The following PARD3B variants were observed in gnomAD, a reference collection of about 807,000 sequenced individuals.
PARD3B encodes the protein par-3 family cell polarity regulator beta.
Under a neutral mutation model 130.2 loss-of-function variants are expected in PARD3B, and 103 were observed. The ratio of observed to expected loss-of-function variants is 0.79; its 90% CI spans 0.67 to 0.93. PARD3B has a LOEUF of 0.93. PARD3B is among the 40% of genes least tolerant of loss of function. PARD3B has a pLI of 0.00. For synonymous variants in PARD3B, 583 were observed against 553.2 expected, an observed-to-expected ratio of 1.05 and a Z score of -0.76; for missense variants, 1,609 against 1,499.2, an observed-to-expected ratio of 1.07 and a Z score of -1.21.
intron 3 of PARD3B, among the ~76,000 whole-genome samples, chr2:205,036,889 A>G (rs1697968606): frequency 6.6e-6 from 1 of 151,570 alleles, no homozygotes. Context: ...AGCGGACTGT[A>G]TATATAAAGA....
chr2:205,227,936 G>T (rs1559562875), intron 15 of PARD3B, among the ~76,000 whole-genome samples: 1 of 151,982 alleles, frequency 6.6e-6, no homozygotes, highest in Non-Finnish European at 1.5e-5. Flanking sequence ...AACACTGACT[G>T]CATAAAGAAA....
intron 21 of PARD3B, among the ~76,000 whole-genome samples, chr2:205,518,975 C>T (rs1362867931): frequency 2.6e-5 from 4 of 152,118 alleles, no homozygotes; most frequent in African/African-American, 4.8e-5. Context: ...GATGGTGTTC[C>T]CTTTGTGGGT....
intron 2 of PARD3B, among the ~76,000 whole-genome samples, chr2:204,782,157 C>G (rs2041855749): frequency 6.6e-6 from 1 of 152,128 alleles, no homozygotes; most frequent in Non-Finnish European, 1.5e-5. Flanking sequence ...GAATGCTGAT[C>G]AGCCTAATTA....
At chr2:204,646,648 A>G (rs2035284917) in intron 1 of PARD3B, among the ~76,000 whole-genome samples, 1 of 152,134 alleles carries the variant, frequency 6.6e-6, no homozygotes, top group South Asian at 2.1e-4. Flanking sequence ...TGAGTGGATC[A>G]TAGGGTTATA....
At chr2:205,471,353 CT>C (rs769669913) in intron 20 of PARD3B, among the ~76,000 whole-genome samples, 396 of 85,402 alleles carry the variant, frequency 4.6e-3, no homozygotes, top group East Asian at 0.012. Flanking sequence ...ACTCACTTTT[CT>C]TTTTTTTTTT....
At chr2:205,092,995 A>G (rs958014353) in intron 4 of PARD3B, among the ~76,000 whole-genome samples, 1 of 152,280 alleles carries the variant, frequency 6.6e-6, no homozygotes, top group East Asian at 1.9e-4. Context: ...TTTTACTTCA[A>G]TTATTTCAAT....
chr2:204,617,268 A>T (rs2034144658), intron 1 of PARD3B, among the ~76,000 whole-genome samples: 1 of 152,288 alleles, frequency 6.6e-6, no homozygotes, highest in Non-Finnish European at 1.5e-5. Flanking sequence ...CTTTAATCTC[A>T]TCTTGATTCT....
At chr2:205,143,193 T>C (rs1379812126) in intron 10 of PARD3B, among the ~76,000 whole-genome samples, 1 of 152,218 alleles carries the variant, frequency 6.6e-6, no homozygotes, top group Non-Finnish European at 1.5e-5. Flanking sequence ...TTTTTTTCCT[T>C]ATGTATGATT....
intron 16 of PARD3B, among the ~76,000 whole-genome samples, chr2:205,249,033 A>C (rs2039714492): frequency 7.9e-6 from 1 of 126,068 alleles, no homozygotes; most frequent in Admixed American, 8.1e-5. Context: ...TTTTTGAGAC[A>C]GATTCTCCCT....
chr2:205,171,480 A>G (rs1219102205), intron 11 of PARD3B, among the ~76,000 whole-genome samples: 1 of 152,170 alleles, frequency 6.6e-6, no homozygotes, highest in Non-Finnish European at 1.5e-5. Flanking sequence ...CTGTGTATTC[A>G]TATGCCGAGG....
rs555929761 is a variant in PARD3B at position 204,943,373 on chromosome 2, A to G, written c.223-21779A>G. ...AGAGGTAGACTGGCTGCTGGAAAAG[A>G]GAAGCCAAGATCCCAGCAATGAGCC... On this transcript the variant is annotated intron_variant, in intron 2 of 22. Transcript: ENST00000406610. This position sits in a 1 kb window ranked among gnomAD's most constrained non-coding sequence, Gnocchi z 4.2. Among the ~76,000 whole-genome samples, 3 of 152,218 alleles carry G rather than the reference A, an allele frequency of 2.0e-5. No individual in the cohort carries two copies. Among genetic ancestry groups the G allele is most frequent in the African/African-American group, 7.2e-5 (3 of 41,544 alleles).
intron 15 of PARD3B, among the ~76,000 whole-genome samples, chr2:205,215,290 T>C (rs941381632): frequency 6.6e-6 from 1 of 151,892 alleles, no homozygotes; most frequent in Non-Finnish European, 1.5e-5. Context: ...TTTTTTTTTT[T>C]AATTCAGCAA....
At chr2:204,550,959 C>T (rs2030412928) in intron 1 of PARD3B, among the ~76,000 whole-genome samples, 1 of 152,182 alleles carries the variant, frequency 6.6e-6, no homozygotes, top group Non-Finnish European at 1.5e-5. Context: ...GACTGGATTC[C>T]TCAAATGCTT....
At chr2:204,647,934 T>C (rs1056552077) in intron 1 of PARD3B, among the ~76,000 whole-genome samples, 1 of 151,630 alleles carries the variant, frequency 6.6e-6, no homozygotes, top group African/African-American at 2.4e-5. Context: ...TTTTGCCTTA[T>C]TTTGAGTATT....
chr2:204,965,111 A>G (rs377450983), intron 2 of PARD3B, 41 bp from the exon 3 acceptor site: 21 of 1,596,464 alleles, frequency 1.3e-5, no homozygotes, highest in Non-Finnish European at 1.8e-5. Context: ...TGTGGTATGC[A>G]TGTCCTACAA....
Position 205,401,108 on chromosome 2 carries a change from A to C in PARD3B, c.2726A>C (p.Lys909Thr), listed in dbSNP as rs2046236843. 1.3e-6 allele frequency: 2 copies of C among 1,595,334 alleles called. No homozygotes were observed. Among genetic ancestry groups the C allele is most frequent in the East Asian group, 4.5e-5 (2 of 44,530 alleles). Residue 909 changes from lysine to threonine, a missense_variant, in exon 19 of 23, where the codon AAA (lysine) becomes ACA (threonine). Coordinates refer to ENST00000406610, the MANE Select transcript of PARD3B (RefSeq NM_001302769.2). ...AGAGAAGAAGAGCTGGAGAAAATGA[A>C]AGAAGAGCGTGAAAGGTGAGCAGAA... ...GLREEELEKMKEERERIGAKH... is the reference protein window; with the variant it reads ...GLREEELEKMTEERERIGAKH...
At chr2:204,955,935 A>C (rs996522784) in intron 2 of PARD3B, among the ~76,000 whole-genome samples, 2 of 152,196 alleles carry the variant, frequency 1.3e-5, no homozygotes, top group Admixed American at 1.3e-4. Flanking sequence ...TGGCAGACTT[A>C]AACTTTATTT....
At chr2:205,344,194 TTGTGTGTGTG>T (rs1553681141) in intron 18 of PARD3B, among the ~76,000 whole-genome samples, 3 of 140,958 alleles carry the variant, frequency 2.1e-5, no homozygotes, top group African/African-American at 7.8e-5. Context: ...GTCAGTTGGT[TTGTGTGTGTG>T]TGTGTGTGTG....
rs537250913 is a variant in PARD3B, at chr2:205,572,473, G to A, written c.3260+19070G>A. ...TAAATTGGAGAGACAGGCCGGGTGC[G>A]GTGGTGCACGCCTGTAATCCCAGCA... On this transcript the variant is annotated intron_variant, in intron 22 of 22. Coordinates refer to ENST00000406610, the MANE Select transcript of PARD3B (RefSeq NM_001302769.2). The surrounding 1 kb of genome is among the most constrained non-coding windows in gnomAD (Gnocchi z 4.2). 3.3e-5 allele frequency among the ~76,000 whole-genome samples: 5 copies of A among 152,250 alleles called. No homozygotes were observed. The highest frequency in any genetic ancestry group is 6.5e-5 in the Admixed American group (1 of 15,274).
Sources: gnomAD v4.1 joint callset for allele counts (sites outside exome capture counted in the v4.1 genomes callset) on GRCh38, gnomAD v4.1.1 for gene constraint, Gnocchi (gnomAD v3.1) non-coding constraint, MANE v1.5 for transcripts, NCBI Gene and HGNC (gene_info 2026-07-23, HGNC 2026-07-21) for gene names.